The following WDR46 variants were observed in gnomAD, a reference collection of about 807,000 sequenced individuals.
The protein encoded by WDR46 is WD repeat-containing protein 46.
WDR46 carries 58 observed loss-of-function variants against 74.7 expected under a neutral mutation model. The ratio of observed to expected loss-of-function variants is 0.78; its 90% CI spans 0.63 to 0.97. WDR46 has a LOEUF of 0.97. Ranked by LOEUF, WDR46 falls within the 50% of genes least tolerant of loss-of-function variation. WDR46 has a pLI of 0.00. For missense variants in WDR46, 702 were observed against 790.1 expected (o/e 0.89, Z 1.34); for synonymous variants, 278 against 297.3 (o/e 0.93, Z 0.67).
rs72655908 is a variant in WDR46 at position 33,280,419 on chromosome 6, G to A, written c.1524+9C>T. ...GGGGATCTCACCCTCTCCAGCAGGG[G>A]AGCCTCACCTTCTCTAGCAGGGCCT... On this transcript the variant is annotated intron_variant, in intron 12 of 14. Transcript: ENST00000374617. 32 of 1,563,758 alleles carry A rather than the reference G, an allele frequency of 2.0e-5. No individual in the cohort carries two copies. In the East Asian group the frequency reaches 2.6e-4, roughly 13 times the overall value.
chr6:33,288,757 A>T, intron 2 of WDR46, 47 bp downstream of exon 2: 1 of 1,613,346 alleles, frequency 6.2e-7, no homozygotes, highest in Non-Finnish European at 8.5e-7. Context: ...TCTCACTCTC[A>T]AGGAACGAGG....
chr6:33,281,287 C>A (rs951589758), intron 10 of WDR46, among the ~76,000 whole-genome samples: 23 of 152,152 alleles, frequency 1.5e-4, no homozygotes, highest in African/African-American at 5.6e-4. Context: ...ACAGCCCTCT[C>A]AAGACACGGG....
intron 1 of WDR46, 29 bp downstream of exon 1, chr6:33,289,073 C>G (rs752905126): frequency 6.8e-7 from 1 of 1,474,096 alleles, no homozygotes; most frequent in Non-Finnish European, 9.5e-7. Context: ...CAGCTAAAAA[C>G]TTCGTTTCCC....
intron 10 of WDR46, among the ~76,000 whole-genome samples, chr6:33,285,635 T>C (rs1192838277): frequency 6.6e-6 from 1 of 151,682 alleles, no homozygotes; most frequent in Non-Finnish European, 1.5e-5. Flanking sequence ...GCAATTCTCC[T>C]GCCTCAGCCT....
chr6:33,282,375 C>T (rs933949226), intron 10 of WDR46, among the ~76,000 whole-genome samples: 16 of 152,138 alleles, frequency 1.1e-4, no homozygotes, highest in Admixed American at 5.2e-4. Flanking sequence ...AATTACCGAG[C>T]GCTCGTGGAA....
Position 33,286,604 on chromosome 6 carries a change from T to C in WDR46, c.1115+191A>G, listed in dbSNP as rs535184830. Among the ~76,000 whole-genome samples, 23 of 152,318 alleles carry C rather than the reference T, an allele frequency of 1.5e-4. No individual in the cohort carries two copies. The East Asian group carries it at 4.2e-3, about 28-fold the overall frequency. ...CTTGAAATGGACACTCATATTTCCA[T>C]TTTCGGGGTCAGGAAACTGTGGCAC... On this transcript the variant is annotated intron_variant, in intron 10 of 14. Coordinates refer to ENST00000374617, the MANE Select transcript of WDR46 (RefSeq NM_005452.6).
At chr6:33,282,851 C>T (rs1275209386) in intron 10 of WDR46, among the ~76,000 whole-genome samples, 1 of 152,222 alleles carries the variant, frequency 6.6e-6, no homozygotes, top group Non-Finnish European at 1.5e-5. Flanking sequence ...CCTTCTGACT[C>T]TCCTAGAGCC....
chr6:33,282,737 G>T (rs1766294079), intron 10 of WDR46, among the ~76,000 whole-genome samples: 1 of 152,024 alleles, frequency 6.6e-6, no homozygotes, highest in Admixed American at 6.5e-5. Context: ...CAGCGAACTA[G>T]TGATTAAGCC....
Position 33,287,619 on chromosome 6 carries a change from G to A in WDR46, c.723C>T (p.Asp241=). 1 of 1,613,916 alleles carries A rather than the reference G, an allele frequency of 6.2e-7. No individual in the cohort carries two copies. The highest frequency in any genetic ancestry group is 1.1e-5 in the South Asian group (1 of 91,046). ...CEINVMEAVR[D]IRFLHSEALL... is the part of the protein sequence containing the mutation. ...CTGACAGTGAGGCCACTGACCGGAT[G>A]TCCCGCACCGCCTCCATGACGTTGA... Residue 241 remains aspartate (D), a synonymous_variant, in exon 7 of 15, where the codon GAC becomes GAT. Transcript: ENST00000374617.
intron 3 of WDR46, 43 bp from the exon 4 acceptor site, chr6:33,288,513 G>A: frequency 1.2e-6 from 2 of 1,610,996 alleles, no homozygotes; most frequent in South Asian, 1.1e-5. Context: ...AGAACCACAG[G>A]ATAAGTGGGG....
At chr6:33,281,053 G>A in intron 10 of WDR46, 66 bp from the exon 11 acceptor site, 2 of 1,504,276 alleles carry the variant, frequency 1.3e-6, no homozygotes, top group Non-Finnish European at 1.8e-6. Flanking sequence ...CTGTGGCCAA[G>A]TCCAGGCATC....
At chr6:33,284,338 G>A (rs455567) in intron 10 of WDR46, 90,919 of 153,620 alleles carry the variant, frequency 0.59, 27,644 homozygotes, top group African/African-American at 0.74. Flanking sequence ...TCATCCTTTT[G>A]TCTCCAGAAC....
chr6:33,282,900 A>G (rs1225945932), intron 10 of WDR46, among the ~76,000 whole-genome samples: 1 of 152,178 alleles, frequency 6.6e-6, no homozygotes, highest in Non-Finnish European at 1.5e-5. Flanking sequence ...GCAGAACCAA[A>G]TCACTCATTC....
chr6:33,287,679 G>A lies in WDR46; in HGVS notation c.663C>T (p.Ala221=). ...AFGGRRGHVA[A]LDWVTKKLMC... is the part of the protein sequence containing the mutation. ...TAAGCTTCTTTGTTACCCAATCAAG[G>A]GCAGCCACATGACCTCGGCGCCCTC... Residue 221 remains alanine, a synonymous_variant, in exon 7 of 15, where the codon GCC becomes GCT. Coordinates refer to ENST00000374617, the MANE Select transcript of WDR46 (RefSeq NM_005452.6). 6.2e-7 allele frequency: 1 copy of A among 1,613,920 alleles called. No homozygotes were observed. Among genetic ancestry groups the A allele is most frequent in the South Asian group, 1.1e-5 (1 of 91,064 alleles).
At chr6:33,279,645 C>T (rs1432885409) in intron 13 of WDR46, 35 bp from the exon 14 acceptor site, 1 of 1,613,654 alleles carries the variant, frequency 6.2e-7, no homozygotes, top group East Asian at 2.2e-5. Context: ...TCTGTTACAG[C>T]CTCGGAGTCA....
intron 10 of WDR46, among the ~76,000 whole-genome samples, chr6:33,285,717 GT>G (rs1766559038): frequency 6.6e-6 from 1 of 152,042 alleles, no homozygotes. Context: ...TAGAGACAGA[GT>G]TTCGCCATGT....
At chr6:33,282,730 C>T (rs372092727) in intron 10 of WDR46, among the ~76,000 whole-genome samples, 2 of 152,168 alleles carry the variant, frequency 1.3e-5, no homozygotes, top group African/African-American at 2.4e-5. Context: ...CAGGCCTCAG[C>T]GAACTAGTGA....
At position 33,280,863 on chromosome 6, in the gene WDR46, G is replaced by C. The variant is rs377472376; in HGVS notation, c.1240C>G (p.Leu414Val). 1.9e-6 allele frequency: 3 copies of C among 1,614,078 alleles called. No homozygotes were observed. In the African/African-American group the frequency reaches 4.0e-5, roughly 22 times the overall value. The change falls in exon 11 of 15, where the codon CTG becomes GTG. Residue 414 changes from leucine (L) to valine (V), a missense_variant. Physicochemically the swap from Leu to Val is conservative, Grantham distance 32. Coordinates refer to ENST00000374617, the MANE Select transcript of WDR46 (RefSeq NM_005452.6). ...ACGTCACCCATTCCCGCCACCAGCA[G>C]TCCCCTCTGGGAGAAGGCCAGGTGC... ...AGHLAFSQRGLLVAGMGDVVN... is the reference protein window; with the variant it reads ...AGHLAFSQRGVLVAGMGDVVN...
At chr6:33,285,135 T>A (rs1278084875) in intron 10 of WDR46, among the ~76,000 whole-genome samples, 4 of 152,212 alleles carry the variant, frequency 2.6e-5, no homozygotes, top group African/African-American at 9.6e-5. Flanking sequence ...AGGCAAAATG[T>A]TAACCTCAAA....
Sources: gnomAD v4.1 joint callset for allele counts (sites outside exome capture counted in the v4.1 genomes callset) on GRCh38, gnomAD v4.1.1 for gene constraint, MANE v1.5 for transcripts, NCBI Gene and HGNC (gene_info 2026-07-23, HGNC 2026-07-21) for gene names.